ARVCF: variants seen among roughly 807,000 people sequenced by gnomAD.
ARVCF encodes ARVCF delta catenin family member, also known as splicing regulator ARVCF.
ARVCF carries 66 observed loss-of-function variants against 90.9 expected under a neutral mutation model. That is an observed-to-expected ratio of 0.73 (90% CI 0.60 to 0.89). The LOEUF (loss-of-function observed/expected upper bound fraction) is 0.89, where lower values mean the gene tolerates loss of function less well. Ranked by LOEUF, ARVCF falls within the 40% of genes least tolerant of loss-of-function variation. The probability of loss-of-function intolerance (pLI) is 0.00; values close to 1 mark genes in which losing one functional copy is unlikely to be tolerated. For synonymous variants in ARVCF, 653 were observed against 603.4 expected (o/e 1.08, Z -1.21); for missense variants, 1,469 against 1,382.3 (o/e 1.06, Z -1.00).
intron 9 of ARVCF, 145 bp from the exon 10 acceptor site, chr22:19,976,868 T>C: frequency 1.0e-6 from 1 of 967,452 alleles, no homozygotes; most frequent in Non-Finnish European, 1.6e-6. Context: ...ATCCCATCAC[T>C]TCTGGGCACT....
Position 19,971,277 on chromosome 22 carries a change from A to C in ARVCF, c.2840T>G (p.Val947Gly). ...PGPSRPAVRL[V>G]DAVGDAKPQP... is the part of the protein sequence containing the mutation. Reference sequence around the variant, plus strand: ...AGGCTTAGCGTCCCCTACGGCGTCCACCAGCCTGACCGCGGGCCTGCTGGG... The same window carrying C: ...AGGCTTAGCGTCCCCTACGGCGTCCCCCAGCCTGACCGCGGGCCTGCTGGG... The change falls in exon 19 of 20, where the codon GTG becomes GGG. Residue 947 changes from valine to glycine, a missense_variant. Physicochemically the swap from Val to Gly is moderately radical, Grantham distance 109. Transcript: ENST00000263207. 6.4e-7 allele frequency: 1 copy of C among 1,556,772 alleles called. No individual in the cohort carries two copies. The highest frequency in any genetic ancestry group is 2.4e-5 in the East Asian group (1 of 41,634).
intron 11 of ARVCF, among the ~76,000 whole-genome samples, chr22:19,975,148 C>T (rs72563795): frequency 6.6e-6 from 1 of 152,166 alleles, no homozygotes; most frequent in Non-Finnish European, 1.5e-5. Context: ...AGCCCTCCTG[C>T]GGCTGGAGCC....
At chr22:19,996,987 A>G (rs1170189688) in intron 2 of ARVCF, among the ~76,000 whole-genome samples, 2 of 152,224 alleles carry the variant, frequency 1.3e-5, no homozygotes, top group Non-Finnish European at 2.9e-5. Context: ...TCCCATGTCC[A>G]GGGAGAATAC....
At chr22:19,996,750 C>G (rs1174577826) in intron 2 of ARVCF, among the ~76,000 whole-genome samples, 1 of 152,228 alleles carries the variant, frequency 6.6e-6, no homozygotes, top group African/African-American at 2.4e-5. Context: ...CCCCACCAGG[C>G]AGGCGAGTGA....
At chr22:19,968,922 T>C, downstream of ARVCF, 2 of 607,210 alleles carry the variant, frequency 3.3e-6, no homozygotes, top group Non-Finnish European at 5.9e-6. Context: ...TTTTTAAGAC[T>C]CAATCATGAC....
At chr22:19,975,876 TG>T in intron 10 of ARVCF, 119 bp from the exon 11 acceptor site, 1 of 964,786 alleles carries the variant, frequency 1.0e-6, no homozygotes, top group Non-Finnish European at 1.6e-6. Flanking sequence ...TGTCCAGGCC[TG>T]GGCACCTGTG....
chr22:19,992,458 A>G (rs1055958075), intron 2 of ARVCF, among the ~76,000 whole-genome samples: 1 of 152,194 alleles, frequency 6.6e-6, no homozygotes, highest in Non-Finnish European at 1.5e-5. Flanking sequence ...CTGTCTACCC[A>G]CAGGCCCCAG....
intron 11 of ARVCF, 41 bp downstream of exon 11, chr22:19,975,645 G>A (rs369250023): frequency 1.3e-4 from 217 of 1,609,934 alleles, no homozygotes; most frequent in Non-Finnish European, 1.7e-4. Context: ...CCTGAGCCCA[G>A]ACATCCCCCA....
chr22:20,013,380 A>G (rs1210794429), intron 1 of ARVCF, among the ~76,000 whole-genome samples: 1 of 152,210 alleles, frequency 6.6e-6, no homozygotes, highest in Non-Finnish European at 1.5e-5. Flanking sequence ...GTGTGTGGTC[A>G]CCCACCAGCT....
At position 20,016,749 on chromosome 22, in the gene ARVCF, C is replaced by T. The variant is rs1487909809; in HGVS notation, c.-233G>A. On this transcript the variant is annotated 5_prime_UTR_variant, in exon 1 of 20. Coordinates refer to ENST00000263207, the MANE Select transcript of ARVCF (RefSeq NM_001670.3). ...CCGCAACTCGGACCGGTGCGGGGGC[C>T]GCCCCCTCCCTCCAGGCCCAGCGCG... is the stretch of plus-strand genomic sequence containing the variant. 2.0e-5 allele frequency: 3 copies of T among 151,280 alleles called. No homozygotes were observed. The highest frequency in any genetic ancestry group is 4.4e-5 in the Non-Finnish European group (3 of 67,752). The allele number at this position is 151,280 out of a possible 1,614,324, so 9.4% of individuals were successfully genotyped here.
At chr22:20,009,285 A>G (rs920920894) in intron 2 of ARVCF, among the ~76,000 whole-genome samples, 5 of 152,240 alleles carry the variant, frequency 3.3e-5, no homozygotes, top group African/African-American at 1.2e-4. Flanking sequence ...AGGCGGCAGC[A>G]GACCCAGCTC....
intron 2 of ARVCF, among the ~76,000 whole-genome samples, chr22:20,004,799 G>T (rs1377403473): frequency 6.6e-6 from 1 of 152,200 alleles, no homozygotes; most frequent in African/African-American, 2.4e-5. Flanking sequence ...TTAGGGAAAT[G>T]ATGGTATTTT....
Position 19,980,158 on chromosome 22 carries a change from C to T in ARVCF, c.981G>A (p.Gln327=). 1.9e-6 allele frequency: 3 copies of T among 1,587,418 alleles called. No homozygotes were observed. The highest frequency in any genetic ancestry group is 2.6e-6 in the Non-Finnish European group (3 of 1,168,234). ...GGCTGCCCATGCTGCCCCGTTCAGG[C>T]TGGGCCAGGGGCGCCGTCACCATTG... ...AFPMVTAPLA[Q]PERGSMGSLD... is the part of the protein sequence containing the mutation. Residue 327 remains glutamine, a synonymous_variant, in exon 6 of 20, where the codon CAG becomes CAA. Transcript: ENST00000263207.
intron 17 of ARVCF, 48 bp from the exon 18 acceptor site, chr22:19,972,019 C>T: frequency 6.6e-7 from 1 of 1,514,950 alleles, no homozygotes; most frequent in Non-Finnish European, 9.0e-7. Flanking sequence ...GAGGGAGGCC[C>T]TGTAGGAGCA....
intron 9 of ARVCF, 101 bp from the exon 10 acceptor site, chr22:19,976,824 C>T (rs1193452846): frequency 3.0e-6 from 4 of 1,340,078 alleles, no homozygotes; most frequent in Non-Finnish European, 2.1e-6. Flanking sequence ...TCCCACTGCA[C>T]ACCCTGGATC....
intron 3 of ARVCF, among the ~76,000 whole-genome samples, chr22:19,982,296 A>C (rs1037745286): frequency 4.6e-5 from 7 of 152,184 alleles, no homozygotes; most frequent in Non-Finnish European, 1.0e-4. Context: ...CTGAACATCG[A>C]GGTGCTAACC....
At chr22:19,974,313 C>T in intron 11 of ARVCF, 74 bp from the exon 12 acceptor site, 1 of 1,478,920 alleles carries the variant, frequency 6.8e-7, no homozygotes, top group East Asian at 2.4e-5. Flanking sequence ...CCGCTTCCCG[C>T]TTCAGAGCTC....
chr22:19,999,340 G>A (rs1295201697), intron 2 of ARVCF, among the ~76,000 whole-genome samples: 2 of 152,198 alleles, frequency 1.3e-5, no homozygotes, highest in Non-Finnish European at 2.9e-5. Context: ...GGCCCCCTGC[G>A]GCAGCACGAG....
chr22:19,977,820 C>T (rs2146284211), intron 8 of ARVCF, 138 bp downstream of exon 8: 5 of 1,118,888 alleles, frequency 4.5e-6, no homozygotes, highest in South Asian at 1.6e-5. Flanking sequence ...GTGGTCACTG[C>T]GAGGCGGGCC....
Sources: allele counts gnomAD v4.1 joint callset (sites outside exome capture counted in the v4.1 genomes callset), GRCh38; gene constraint gnomAD v4.1.1; transcripts MANE v1.5; gene names NCBI Gene and HGNC (gene_info 2026-07-23, HGNC 2026-07-21).